Variants in SNTG1 observed in about 807,000 individuals in gnomAD.
SNTG1 encodes syntrophin gamma 1, also known as gamma-1-syntrophin.
A neutral mutation model predicts 74.7 loss-of-function variants in SNTG1; 39 were observed. The ratio of observed to expected loss-of-function variants is 0.52; its 90% confidence interval spans 0.40 to 0.68. The LOEUF (loss-of-function observed/expected upper bound fraction) is 0.68. Ranked by LOEUF, SNTG1 falls within the 30% of genes least tolerant of loss-of-function variation. The pLI is 0.00. For synonymous variants in SNTG1, 254 were observed against 217.1 expected, an observed-to-expected ratio of 1.17 and a Z score of -1.49; for missense variants, 685 against 609.5, an observed-to-expected ratio of 1.12 and a Z score of -1.30.
intron 1 of SNTG1, among the ~76,000 whole-genome samples, chr8:50,053,929 C>T (rs1819802858): frequency 6.6e-6 from 1 of 152,036 alleles, no homozygotes; most frequent in African/African-American, 2.4e-5. Flanking sequence ...GAGCTCCCAT[C>T]AGGTGGAGAA....
intron 18 of SNTG1, among the ~76,000 whole-genome samples, chr8:50,773,968 A>G (rs1057122739): frequency 6.6e-6 from 1 of 152,122 alleles, no homozygotes; most frequent in Admixed American, 6.6e-5. Context: ...AATTTTAAAA[A>G]TTCTGAGATG....
intron 2 of SNTG1, among the ~76,000 whole-genome samples, chr8:50,211,898 A>G (rs1202434944): frequency 1.3e-5 from 2 of 152,146 alleles, no homozygotes; most frequent in Non-Finnish European, 2.9e-5. Flanking sequence ...AGAGAGATCA[A>G]TAGAATTTTT....
chr8:50,453,223 A>G (rs1054975113), intron 8 of SNTG1, among the ~76,000 whole-genome samples: 4 of 152,338 alleles, frequency 2.6e-5, no homozygotes, highest in Non-Finnish European at 5.9e-5. Flanking sequence ...TTGTTCAGGT[A>G]GTGGACAGTA....
At chr8:50,788,712 A>G (rs1283267495) in intron 18 of SNTG1, among the ~76,000 whole-genome samples, 2 of 151,992 alleles carry the variant, frequency 1.3e-5, no homozygotes, top group Admixed American at 6.6e-5. Context: ...CAAATTCTCA[A>G]CACTTCCTGC....
intron 1 of SNTG1, among the ~76,000 whole-genome samples, chr8:50,079,291 G>A (rs899949188): frequency 6.6e-6 from 1 of 152,160 alleles, no homozygotes; most frequent in Admixed American, 6.5e-5. Context: ...GTCTTGATTT[G>A]CATTTCTCTA....
chr8:50,719,814 TA>T (rs2095483433), intron 17 of SNTG1, among the ~76,000 whole-genome samples: 2 of 152,338 alleles, frequency 1.3e-5, no homozygotes, highest in South Asian at 4.1e-4. Flanking sequence ...ATTATAAAAT[TA>T]ATCTATAATG....
intron 1 of SNTG1, among the ~76,000 whole-genome samples, chr8:49,981,939 G>T (rs1210883868): frequency 6.6e-6 from 1 of 151,960 alleles, no homozygotes; most frequent in Non-Finnish European, 1.5e-5. Flanking sequence ...ATTTTTTGTT[G>T]TTGTGGGTGT....
At chr8:50,337,290 G>T (rs936528037) in intron 2 of SNTG1, among the ~76,000 whole-genome samples, 3 of 152,148 alleles carry the variant, frequency 2.0e-5, no homozygotes, top group African/African-American at 7.2e-5. Context: ...AACCATCATT[G>T]GTGCCAATAA....
At chr8:50,781,821 A>T (rs943270677) in intron 18 of SNTG1, among the ~76,000 whole-genome samples, 1 of 152,246 alleles carries the variant, frequency 6.6e-6, no homozygotes, top group East Asian at 1.9e-4. Context: ...ACAATTTGGC[A>T]TGATTTTGCA....
rs187250064 is a variant in SNTG1, at chr8:50,587,634, G to A, written c.811-3245G>A. Among the ~76,000 whole-genome samples, 66 of 149,936 alleles carry A rather than the reference G, an allele frequency of 4.4e-4. No homozygotes were observed. The East Asian group carries it at 4.4e-3, about 10-fold the overall frequency. ...GAAGTCAGGAGTTCGAGACCAGACT[G>A]GCTAACATGGCGAAACCCTGTCTCT... On this transcript the variant is annotated intron_variant, in intron 12 of 18. Coordinates refer to ENST00000642720, the MANE Select transcript of SNTG1 (RefSeq NM_018967.5).
intron 2 of SNTG1, among the ~76,000 whole-genome samples, chr8:50,367,051 C>T (rs1487584064): frequency 6.6e-6 from 1 of 151,364 alleles, no homozygotes; most frequent in Non-Finnish European, 1.5e-5. Flanking sequence ...GAGATCTCAA[C>T]AGCAATAGCA....
At chr8:50,002,683 G>A (rs562958869) in intron 1 of SNTG1, among the ~76,000 whole-genome samples, 84 of 152,156 alleles carry the variant, frequency 5.5e-4, no homozygotes, top group Non-Finnish European at 1.0e-3. Context: ...AGGTTGATAT[G>A]AATGTTGCAT....
chr8:50,718,296 A>G (rs1210041300), intron 17 of SNTG1, among the ~76,000 whole-genome samples: 2 of 152,212 alleles, frequency 1.3e-5, no homozygotes, highest in African/African-American at 4.8e-5. Context: ...AGGGCACACA[A>G]AAGTAAAATA....
intron 2 of SNTG1, among the ~76,000 whole-genome samples, chr8:50,343,220 A>G (rs2091371434): frequency 6.6e-6 from 1 of 152,222 alleles, no homozygotes; most frequent in Non-Finnish European, 1.5e-5. Context: ...CACACTAAAA[A>G]GTGGGGAAAA....
intron 2 of SNTG1, among the ~76,000 whole-genome samples, chr8:50,313,998 C>G (rs1373992378): frequency 6.7e-6 from 1 of 149,588 alleles, no homozygotes; most frequent in African/African-American, 2.5e-5. Context: ...AATACCCAAT[C>G]TTATATATAT....
intron 15 of SNTG1, among the ~76,000 whole-genome samples, chr8:50,665,876 C>T (rs768411968): frequency 6.6e-6 from 1 of 152,034 alleles, no homozygotes; most frequent in Non-Finnish European, 1.5e-5. Context: ...TTCAAAGTAC[C>T]TCCTCAGAAA....
rs141314918 is a variant in SNTG1, at chr8:50,518,524, T to C, written c.467-11653T>C. Among the ~76,000 whole-genome samples the C allele has an allele frequency of 8.8e-3, 1,333 of 152,224 alleles. 21 individuals carry two copies. The highest frequency in any genetic ancestry group is 0.031 in the African/African-American group (1,268 of 41,528). On this transcript the variant is annotated intron_variant, in intron 9 of 18. Coordinates refer to ENST00000642720, the MANE Select transcript of SNTG1 (RefSeq NM_018967.5). ...AAAATCAATGAATCCAGGGGCTGTTTCTTTTGAAAAGATTAACATAATAGA... is the reference window on the plus strand; with the variant it reads ...AAAATCAATGAATCCAGGGGCTGTTCCTTTTGAAAAGATTAACATAATAGA...
At chr8:49,942,011 A>G (rs944773543) in intron 1 of SNTG1, among the ~76,000 whole-genome samples, 1 of 152,200 alleles carries the variant, frequency 6.6e-6, no homozygotes, top group Non-Finnish European at 1.5e-5. Context: ...ATATATGAGA[A>G]TGTACACAAA....
intron 13 of SNTG1, among the ~76,000 whole-genome samples, chr8:50,639,635 G>GA (rs1231216258): frequency 1.3e-5 from 2 of 151,812 alleles, no homozygotes; most frequent in South Asian, 2.1e-4. Flanking sequence ...ATTACTGACA[G>GA]AAAAAAATAT....
Sources: allele counts gnomAD v4.1 joint callset (sites outside exome capture counted in the v4.1 genomes callset), GRCh38; gene constraint gnomAD v4.1.1; transcripts MANE v1.5; gene names NCBI Gene and HGNC (gene_info 2026-07-23, HGNC 2026-07-21).